The following RPRD1A variants were observed in gnomAD, a reference collection of about 807,000 sequenced individuals.
RPRD1A encodes the protein regulation of nuclear pre-mRNA domain-containing protein 1A.
Under a neutral mutation model 37.8 loss-of-function variants are expected in RPRD1A, and 9 were observed. The ratio of observed to expected loss-of-function variants is 0.24; its 90% CI spans 0.14 to 0.42. RPRD1A has a LOEUF of 0.42. Among genes scored for constraint, RPRD1A ranks in the 10% least tolerant of loss-of-function variants. The probability of loss-of-function intolerance (pLI) is 1.00; values close to 1 mark genes in which losing one functional copy is unlikely to be tolerated. For missense variants in RPRD1A, 255 were observed against 371.0 expected, an observed-to-expected ratio of 0.69 and a Z score of 2.57; for synonymous variants, 138 against 139.7, an observed-to-expected ratio of 0.99 and a Z score of 0.08.
intron 6 of RPRD1A, among the ~76,000 whole-genome samples, chr18:36,020,645 C>T (rs187062466): frequency 1.5e-3 from 228 of 152,082 alleles, no homozygotes; most frequent in Non-Finnish European, 2.3e-3. Context: ...GTCTGAGCAA[C>T]ACAGCAAAAC....
intron 1 of RPRD1A, chr18:36,040,751 T>C: frequency 3.6e-6 from 4 of 1,106,952 alleles, no homozygotes; most frequent in Non-Finnish European, 5.1e-6. Flanking sequence ...TAAAAATTTC[T>C]AAGCTTTTTA....
chr18:36,025,595 G>T (rs981554546), intron 6 of RPRD1A: 13 of 1,273,612 alleles, frequency 1.0e-5, no homozygotes, highest in Non-Finnish European at 1.2e-5. Context: ...GACAATACAG[G>T]CTTCAGGGTT....
chr18:36,061,675 T>G (rs1388652095), intron 1 of RPRD1A, among the ~76,000 whole-genome samples: 2 of 152,236 alleles, frequency 1.3e-5, no homozygotes, highest in African/African-American at 4.8e-5. Context: ...AACAGTCACC[T>G]TCAAAGGACA....
At chr18:36,010,229 G>A (rs2144200544) in intron 6 of RPRD1A, among the ~76,000 whole-genome samples, 3 of 152,200 alleles carry the variant, frequency 2.0e-5, no homozygotes, top group Middle Eastern at 3.4e-3. Flanking sequence ...GCACCTTTGT[G>A]AGGCCAAGGC....
At chr18:36,049,497 T>C (rs1474367050) in intron 1 of RPRD1A, among the ~76,000 whole-genome samples, 1 of 152,320 alleles carries the variant, frequency 6.6e-6, no homozygotes, top group South Asian at 2.1e-4. Context: ...CATGTATACA[T>C]GGACCCACAA....
At chr18:36,040,230 C>T (rs140765596) in intron 1 of RPRD1A, among the ~76,000 whole-genome samples, 1 of 152,232 alleles carries the variant, frequency 6.6e-6, no homozygotes, top group East Asian at 1.9e-4. Flanking sequence ...AGATCTCATG[C>T]CACTCATACA....
At position 36,008,577 on chromosome 18, in the gene RPRD1A, G is replaced by GTGTGTGTATATATATATA; in HGVS notation, c.790-15278_790-15277insTATATATATATACACACA. ...GGCGACACAGCAAGACCTTGTGTGT[G>GTGTGTGTATATATATATA]TATATATATATATCTTTAAAAATCT... is the stretch of plus-strand genomic sequence containing the variant. On this transcript the variant is annotated intron_variant, in intron 6 of 6. Coordinates refer to ENST00000399022, the MANE Select transcript of RPRD1A (RefSeq NM_018170.5). 7.3e-4 allele frequency among the ~76,000 whole-genome samples: 35 copies of GTGTGTGTATATATATATA among 47,780 alleles called. 3 individuals are homozygous for GTGTGTGTATATATATATA. Among genetic ancestry groups the GTGTGTGTATATATATATA allele is most frequent in the South Asian group, 2.7e-3 (3 of 1,094 alleles). 31.3% of individuals were successfully genotyped at this position (47,780 alleles called of 152,430 possible). A position where few individuals can be genotyped will look rare whatever the true frequency, so the allele number is the denominator to read the frequency against.
intron 1 of RPRD1A, among the ~76,000 whole-genome samples, chr18:36,052,280 G>A (rs1913453539): frequency 6.6e-6 from 1 of 151,398 alleles, no homozygotes; most frequent in Admixed American, 6.6e-5. Context: ...TAGTAAACCT[G>A]ACCTACAAGA....
intron 1 of RPRD1A, among the ~76,000 whole-genome samples, chr18:36,041,393 C>G (rs1296279873): frequency 6.6e-6 from 1 of 152,164 alleles, no homozygotes; most frequent in Non-Finnish European, 1.5e-5. Context: ...CTCCCCACAG[C>G]AGGCCTATCT....
chr18:36,059,435 G>C (rs1185633416), intron 1 of RPRD1A, among the ~76,000 whole-genome samples: 1 of 152,020 alleles, frequency 6.6e-6, no homozygotes, highest in Non-Finnish European at 1.5e-5. Flanking sequence ...ACCATACCTG[G>C]CCTTAATTAA....
intron 1 of RPRD1A, among the ~76,000 whole-genome samples, chr18:36,045,267 G>C (rs1312331927): frequency 1.3e-5 from 2 of 151,952 alleles, no homozygotes; most frequent in African/African-American, 4.8e-5. Context: ...TTAAAAAATA[G>C]AGGTCGCAAA....
intron 4 of RPRD1A, among the ~76,000 whole-genome samples, chr18:36,030,501 A>T (rs1381738005): frequency 2.0e-5 from 3 of 152,118 alleles, no homozygotes; most frequent in African/African-American, 7.2e-5. Context: ...AAAATCACAT[A>T]ACAAAATAGG....
chr18:36,023,987 T>C (rs1226991850), intron 6 of RPRD1A, among the ~76,000 whole-genome samples: 1 of 152,252 alleles, frequency 6.6e-6, no homozygotes, highest in Non-Finnish European at 1.5e-5. Flanking sequence ...TTAATTCTCC[T>C]ATTCATGTAT....
chr18:36,049,380 T>C (rs1057314545), intron 1 of RPRD1A, among the ~76,000 whole-genome samples: 1 of 152,188 alleles, frequency 6.6e-6, no homozygotes, highest in African/African-American at 2.4e-5. Context: ...AACACAGGTG[T>C]TACAGGCACC....
rs193120256 is a variant in RPRD1A at position 36,040,802 on chromosome 18, C to T, written c.152-6965G>A. 1.2e-4 allele frequency: 183 copies of T among 1,502,144 alleles called. 1 individual carries two copies. The Admixed American group carries it at 2.3e-3, about 19-fold the overall frequency. 93.1% of individuals were successfully genotyped at this position (1,502,144 alleles called of 1,614,324 possible). A position where few individuals can be genotyped will look rare whatever the true frequency, so the allele number is the denominator to read the frequency against. The stretch of plus-strand genomic sequence containing the variant: ...CATAGAAGAAAAGTGTTTTTATTCA[C>T]TTACAGTAAATTCCTGTTTGACAAA... On this transcript the variant is annotated intron_variant, in intron 1 of 6. Transcript: ENST00000399022.
intron 6 of RPRD1A, among the ~76,000 whole-genome samples, chr18:36,005,277 G>A (rs1331436870): frequency 2.6e-5 from 4 of 151,900 alleles, no homozygotes; most frequent in African/African-American, 9.7e-5. Flanking sequence ...CTCCAGCCTG[G>A]GCAACAGAGC....
chr18:36,067,036 C>A (rs2089044349), intron 1 of RPRD1A, among the ~76,000 whole-genome samples: 1 of 152,200 alleles, frequency 6.6e-6, no homozygotes, highest in Non-Finnish European at 1.5e-5. Context: ...TTAAGCTAAC[C>A]GGAGTTTTCT....
intron 1 of RPRD1A, among the ~76,000 whole-genome samples, chr18:36,039,911 T>G (rs1598644048): frequency 6.6e-6 from 1 of 152,072 alleles, no homozygotes; most frequent in East Asian, 1.9e-4. Context: ...TATGCACATG[T>G]ACATATACAT....
At chr18:36,018,463 C>T (rs1018231533) in intron 6 of RPRD1A, among the ~76,000 whole-genome samples, 3 of 151,958 alleles carry the variant, frequency 2.0e-5, no homozygotes, top group Non-Finnish European at 4.4e-5. Context: ...TTAGTAGAGA[C>T]GGGGTTTCAC....
Sources: allele counts gnomAD v4.1 joint callset (sites outside exome capture counted in the v4.1 genomes callset), GRCh38; gene constraint gnomAD v4.1.1; transcripts MANE v1.5; gene names NCBI Gene and HGNC (gene_info 2026-07-23, HGNC 2026-07-21).